Variants in CDKL3 observed in about 807,000 individuals in gnomAD.
CDKL3 encodes the protein cyclin-dependent kinase-like 3.
Under a neutral mutation model 69.3 loss-of-function variants are expected in CDKL3, and 65 were observed. The observed-to-expected ratio is 0.94, with a 90% CI of 0.77 to 1.15. The LOEUF (loss-of-function observed/expected upper bound fraction) is 1.15. Among genes scored for constraint, CDKL3 ranks in the 50% most tolerant of loss-of-function variants. The probability of loss-of-function intolerance (pLI) is 0.00; values close to 1 mark genes in which losing one functional copy is unlikely to be tolerated. For synonymous variants in CDKL3, 202 were observed against 221.6 expected (o/e 0.91, Z 0.79); for missense variants, 652 against 689.2 (o/e 0.95, Z 0.61).
intron 4 of CDKL3, among the ~76,000 whole-genome samples, chr5:134,330,144 A>G: frequency 6.6e-6 from 1 of 152,164 alleles, no homozygotes; most frequent in East Asian, 1.9e-4. Flanking sequence ...GTATGTCCCT[A>G]AAGAACTGAG....
chr5:134,370,484 GTTTC>G (rs904426448), upstream of CDKL3, among the ~76,000 whole-genome samples: 1 of 152,112 alleles, frequency 6.6e-6, no homozygotes, highest in Non-Finnish European at 1.5e-5. Flanking sequence ...ATATTTGTAG[GTTTC>G]TTTGACAACC....
intron 9 of CDKL3, among the ~76,000 whole-genome samples, chr5:134,307,692 T>C (rs1768251151): frequency 6.6e-6 from 1 of 152,228 alleles, no homozygotes. Flanking sequence ...TGGCCTAATA[T>C]GCTATTTTTC....
chr5:134,304,695 TTAGAA>T (rs747475459), intron 10 of CDKL3, 128 bp from the exon 11 acceptor site: 42 of 664,022 alleles, frequency 6.3e-5, no homozygotes, highest in Non-Finnish European at 9.2e-5. Context: ...TTAAGAAGAT[TTAGAA>T]TAGAACACTA....
chr5:134,361,464 C>G (rs577932300), intron 2 of CDKL3, among the ~76,000 whole-genome samples: 3 of 152,256 alleles, frequency 2.0e-5, no homozygotes, highest in African/African-American at 7.2e-5. Flanking sequence ...TTCTCTGTAA[C>G]TAACGAAGAG....
At chr5:134,340,130 A>G (rs1750109573) in intron 4 of CDKL3, among the ~76,000 whole-genome samples, 1 of 152,146 alleles carries the variant, frequency 6.6e-6, no homozygotes, top group Non-Finnish European at 1.5e-5. Context: ...TTCCAGCCTG[A>G]GCAACAGAGC....
chr5:134,302,592 CTT>C lies in CDKL3; in HGVS notation c.1715_1716del (p.Gln572ArgfsTer34). The C allele has an allele frequency of 3.9e-6, 6 of 1,534,700 alleles. No homozygotes were observed. The highest frequency in any genetic ancestry group is 5.4e-6 in the Non-Finnish European group (6 of 1,115,084). ...LLNVDQNQEK[Q>X]EGGDGHCEGK... The stretch of plus-strand genomic sequence containing the variant: ...AAGCTATATACAAAAAGAGTTACCT[CTT>C]GTTTTTCTTGATTTTGATCCACGTT... On this transcript the variant is annotated frameshift_variant, in exon 12 of 13. Coordinates refer to ENST00000265334, the MANE Select transcript of CDKL3 (RefSeq NM_001113575.2). LOFTEE classifies it high-confidence loss of function.
At chr5:134,351,030 G>T (rs1753176070) in intron 3 of CDKL3, among the ~76,000 whole-genome samples, 2 of 151,898 alleles carry the variant, frequency 1.3e-5, no homozygotes, top group African/African-American at 4.8e-5. Context: ...CTTCTCTTTT[G>T]TTCCTACATT....
chr5:134,306,750 CTTTTTTTTTTTTT>C (rs11414446), intron 9 of CDKL3, 48 bp from the exon 10 acceptor site: 14 of 227,676 alleles, frequency 6.1e-5, no homozygotes, highest in East Asian at 2.6e-4. Flanking sequence ...CCCAGAAATG[CTTTTTTTTTTTTT>C]TTTTTTTTTT....
intron 5 of CDKL3, among the ~76,000 whole-genome samples, chr5:134,320,664 A>G (rs1431618274): frequency 1.3e-5 from 2 of 151,974 alleles, no homozygotes; most frequent in African/African-American, 4.8e-5. Flanking sequence ...TCACGAGGTC[A>G]GGAAATCGAG....
At chr5:134,290,585 G>A (rs1340398636) in intron 8 of CDKL3, among the ~76,000 whole-genome samples, 1 of 152,132 alleles carries the variant, frequency 6.6e-6, no homozygotes, top group Non-Finnish European at 1.5e-5. Flanking sequence ...AAGAAGGGGA[G>A]AGGCATACTG....
chr5:134,360,073 G>T lies in CDKL3; in HGVS notation c.184C>A (p.Leu62Met). 6.5e-7 allele frequency: 1 copy of T among 1,532,652 alleles called. No homozygotes were observed. The highest frequency in any genetic ancestry group is 1.3e-5 in the South Asian group (1 of 79,344). The allele number at this position is 1,532,652 out of a possible 1,614,324, so 94.9% of individuals were successfully genotyped here. ...CTAAAAACTTCAATCAGATTGACCA[G>T]GTTTTCGTGATGAAATTGCTATTGA... is the stretch of plus-strand genomic sequence containing the variant. Reference protein sequence around the residue: ...KFLKQFHHENLVNLIEVFRQK... With the variant: ...KFLKQFHHENMVNLIEVFRQK... Residue 62 changes from leucine (L) to methionine (M), a missense_variant, in exon 3 of 13, where the codon CTG becomes ATG. Physicochemically the swap from Leu to Met is conservative, Grantham distance 15 (BLOSUM62 2). Coordinates refer to ENST00000265334, the MANE Select transcript of CDKL3 (RefSeq NM_001113575.2).
At chr5:134,298,948 A>C (rs1404683973) in intron 12 of CDKL3, among the ~76,000 whole-genome samples, 1 of 151,962 alleles carries the variant, frequency 6.6e-6, no homozygotes, top group Non-Finnish European at 1.5e-5. Context: ...ATCTCGGCTC[A>C]CTACAACCTC....
intron 12 of CDKL3, chr5:134,302,158 C>A (rs778790158): frequency 4.8e-5 from 22 of 455,866 alleles, no homozygotes; most frequent in South Asian, 1.7e-4. Context: ...TAGCTGAGAG[C>A]AAATATTTGT....
downstream of CDKL3, among the ~76,000 whole-genome samples, chr5:134,297,890 TTGTGTGTGTGTG>T (rs528154005): frequency 0.016 from 1,632 of 105,186 alleles, 36 homozygotes; most frequent in African/African-American, 0.047. Context: ...CATGAATAGT[TTGTGTGTGTGTG>T]TGTGTGTGTG....
chr5:134,324,091 C>T (rs147596776), intron 4 of CDKL3, among the ~76,000 whole-genome samples: 433 of 152,234 alleles, frequency 2.8e-3, no homozygotes, highest in African/African-American at 9.8e-3. Context: ...GGCATATTAA[C>T]AGATGCCCAG....
At chr5:134,301,223 C>T (rs1350771063) in intron 12 of CDKL3, among the ~76,000 whole-genome samples, 1 of 152,136 alleles carries the variant, frequency 6.6e-6, no homozygotes, top group Non-Finnish European at 1.5e-5. Flanking sequence ...GTCTTGAACT[C>T]CTGACTTCAG....
intron 8 of CDKL3, among the ~76,000 whole-genome samples, chr5:134,288,656 T>C (rs1314419914): frequency 1.3e-5 from 2 of 152,190 alleles, no homozygotes; most frequent in African/African-American, 4.8e-5. Context: ...TTAAAGACCA[T>C]AATTCTTCAT....
intron 3 of CDKL3, among the ~76,000 whole-genome samples, chr5:134,355,379 A>C (rs2149623292): frequency 6.6e-6 from 1 of 152,330 alleles, no homozygotes; most frequent in South Asian, 2.1e-4. Context: ...TAGCATTATA[A>C]CTTGAATGGA....
chr5:134,360,145 G>C (rs1188200481), intron 2 of CDKL3, 54 bp from the exon 3 acceptor site: 2 of 1,177,458 alleles, frequency 1.7e-6, no homozygotes, highest in East Asian at 2.6e-5. Flanking sequence ...CTAACAATTT[G>C]TACATATAAC....
Sources: gnomAD v4.1 joint callset for allele counts (sites outside exome capture counted in the v4.1 genomes callset) on GRCh38, gnomAD v4.1.1 for gene constraint, MANE v1.5 for transcripts, NCBI Gene and HGNC (gene_info 2026-07-23, HGNC 2026-07-21) for gene names.